RTN4RL1: variants seen among roughly 807,000 people sequenced by gnomAD.
RTN4RL1 encodes reticulon 4 receptor like 1, also known as reticulon-4 receptor-like 1.
In RTN4RL1, 7 loss-of-function variants were observed where a neutral mutation model predicts 25.6. That is an observed-to-expected ratio of 0.27 (90% confidence interval 0.16 to 0.51). The LOEUF is 0.51. RTN4RL1 is among the 20% of genes least tolerant of loss of function. The probability of loss-of-function intolerance (pLI) is 0.97; values close to 1 mark genes in which losing one functional copy is unlikely to be tolerated. For synonymous variants in RTN4RL1, 297 were observed against 288.2 expected, an observed-to-expected ratio of 1.03 and a Z score of -0.31; for missense variants, 500 against 615.6, an observed-to-expected ratio of 0.81 and a Z score of 1.99.
At chr17:2,004,261 G>A (rs376740904) in intron 1 of RTN4RL1, among the ~76,000 whole-genome samples, 48 of 151,108 alleles carry the variant, frequency 3.2e-4, no homozygotes, top group African/African-American at 1.1e-3. Context: ...CTAGCTACTC[G>A]GGAGGCTGAG....
At chr17:1,938,545 G>A (rs1045000014) in intron 1 of RTN4RL1, among the ~76,000 whole-genome samples, 12 of 151,676 alleles carry the variant, frequency 7.9e-5, no homozygotes, top group Admixed American at 2.0e-4. Flanking sequence ...CAGGTGATCT[G>A]CCTTGGCCTC....
At chr17:1,946,208 C>A (rs1417492776) in intron 1 of RTN4RL1, among the ~76,000 whole-genome samples, 1 of 152,212 alleles carries the variant, frequency 6.6e-6, no homozygotes, top group Non-Finnish European at 1.5e-5. Flanking sequence ...CCAAACAAAC[C>A]AACCAACCAG....
At chr17:1,977,064 A>G (rs1423802829) in intron 1 of RTN4RL1, among the ~76,000 whole-genome samples, 2 of 152,050 alleles carry the variant, frequency 1.3e-5, no homozygotes, top group Non-Finnish European at 2.9e-5. Flanking sequence ...ATTTATTTTT[A>G]CAGTTAGTTT....
At chr17:2,005,862 T>C (rs899216734) in intron 1 of RTN4RL1, among the ~76,000 whole-genome samples, 1 of 149,530 alleles carries the variant, frequency 6.7e-6, no homozygotes, top group African/African-American at 2.5e-5. Flanking sequence ...AGTGGCGCAA[T>C]CTCGGTTCAC....
intron 1 of RTN4RL1, among the ~76,000 whole-genome samples, chr17:2,021,234 G>A (rs373980093): frequency 6.6e-6 from 1 of 152,190 alleles, no homozygotes; most frequent in Non-Finnish European, 1.5e-5. Context: ...GGACAACCAG[G>A]AATCAGAGAG....
chr17:2,016,863 C>T (rs144887854), intron 1 of RTN4RL1, among the ~76,000 whole-genome samples: 5 of 152,362 alleles, frequency 3.3e-5, no homozygotes, highest in Admixed American at 1.3e-4. Flanking sequence ...CACCTCCACA[C>T]GTGCTCCTTC....
At chr17:2,022,127 C>T (rs2067215455) in intron 1 of RTN4RL1, among the ~76,000 whole-genome samples, 1 of 151,748 alleles carries the variant, frequency 6.6e-6, no homozygotes, top group African/African-American at 2.4e-5. Flanking sequence ...CCAGCCTGGC[C>T]AACATGGCAA....
At chr17:1,940,334 G>C (rs1268059372) in intron 1 of RTN4RL1, among the ~76,000 whole-genome samples, 1 of 152,144 alleles carries the variant, frequency 6.6e-6, no homozygotes, top group African/African-American at 2.4e-5. Context: ...ACCCTTTCTG[G>C]GCCAAGCCGT....
chr17:1,947,976 T>A (rs980564431), intron 1 of RTN4RL1, among the ~76,000 whole-genome samples: 3 of 152,272 alleles, frequency 2.0e-5, no homozygotes, highest in Non-Finnish European at 2.9e-5. Flanking sequence ...GCCGTGATGA[T>A]TACGTTACTG....
intron 1 of RTN4RL1, among the ~76,000 whole-genome samples, chr17:2,011,207 C>G (rs972325632): frequency 6.6e-6 from 1 of 152,060 alleles, no homozygotes; most frequent in African/African-American, 2.4e-5. Context: ...GCCAAGATCG[C>G]GCCATTGCAC....
At chr17:2,000,050 A>G (rs547493097) in intron 1 of RTN4RL1, among the ~76,000 whole-genome samples, 1 of 152,384 alleles carries the variant, frequency 6.6e-6, no homozygotes, top group Admixed American at 6.5e-5. Flanking sequence ...CCCTGTGTGC[A>G]TGTACCCAGC....
intron 1 of RTN4RL1, among the ~76,000 whole-genome samples, chr17:2,000,748 G>C (rs935634983): frequency 5.9e-5 from 9 of 152,084 alleles, no homozygotes; most frequent in Non-Finnish European, 1.0e-4. Context: ...TTGAACTCCT[G>C]ACCTCAGGTG....
At chr17:1,964,794 T>TTC (rs2066782263) in intron 1 of RTN4RL1, among the ~76,000 whole-genome samples, 1 of 147,238 alleles carries the variant, frequency 6.8e-6, no homozygotes, top group Non-Finnish European at 1.5e-5. Context: ...TTTTCTTTTT[T>TTC]TTTTTTTTTT....
At chr17:1,999,678 C>CG (rs1044020187) in intron 1 of RTN4RL1, among the ~76,000 whole-genome samples, 1 of 151,064 alleles carries the variant, frequency 6.6e-6, no homozygotes, top group Non-Finnish European at 1.5e-5. Flanking sequence ...TACATGCCCC[C>CG]CCCACACACA....
At chr17:1,965,748 G>T (rs923921941) in intron 1 of RTN4RL1, among the ~76,000 whole-genome samples, 23 of 152,258 alleles carry the variant, frequency 1.5e-4, no homozygotes, top group African/African-American at 4.8e-4. Context: ...GGCCCCCACT[G>T]CCCTCAGCGC....
chr17:2,024,733 C>A, intron 1 of RTN4RL1, 120 bp downstream of exon 1: 2 of 1,034,876 alleles, frequency 1.9e-6, no homozygotes, highest in Admixed American at 2.9e-5. Context: ...CCCGGCAAAA[C>A]CCACCAGCCC....
At chr17:1,961,914 C>T (rs62069175) in intron 1 of RTN4RL1, among the ~76,000 whole-genome samples, 30,678 of 146,912 alleles carry the variant, frequency 0.21, 3,462 homozygotes, top group Middle Eastern at 0.29. Context: ...CACCATTGGA[C>T]TCCAGCCTGG....
chr17:1,961,265 A>AG (rs1915888452), intron 1 of RTN4RL1, among the ~76,000 whole-genome samples: 1 of 152,154 alleles, frequency 6.6e-6, no homozygotes, highest in African/African-American at 2.4e-5. Flanking sequence ...CACGAAGGGA[A>AG]GGGGGGCCTG....
At chr17:1,956,556 G>C (rs1049328548) in intron 1 of RTN4RL1, among the ~76,000 whole-genome samples, 1 of 152,152 alleles carries the variant, frequency 6.6e-6, no homozygotes, top group African/African-American at 2.4e-5. Context: ...TTTAGAGACT[G>C]CAGAGTATCC....
Sources: allele counts gnomAD v4.1 joint callset (sites outside exome capture counted in the v4.1 genomes callset), GRCh38; gene constraint gnomAD v4.1.1; transcripts MANE v1.5; gene names NCBI Gene and HGNC (gene_info 2026-07-23, HGNC 2026-07-21).